Variants in RYR3 observed in about 807,000 individuals in gnomAD.
RYR3 encodes the protein ryanodine receptor 3.
A neutral mutation model predicts 584.3 loss-of-function variants in RYR3; 207 were observed. The ratio of observed to expected loss-of-function variants is 0.35; its 90% confidence interval spans 0.32 to 0.40. The LOEUF (loss-of-function observed/expected upper bound fraction) is 0.40, where lower values mean the gene tolerates loss of function less well. RYR3 is among the 10% of genes least tolerant of loss of function. RYR3 has a pLI of 1.00. For synonymous variants in RYR3, 2,416 were observed against 2,248.5 expected, an observed-to-expected ratio of 1.07 and a Z score of -2.11; for missense variants, 5,616 against 6,089.2, an observed-to-expected ratio of 0.92 and a Z score of 2.59.
chr15:33,434,942 C>G (rs187187564), intron 1 of RYR3, among the ~76,000 whole-genome samples: 1,592 of 152,200 alleles, frequency 0.01, 23 homozygotes, highest in African/African-American at 0.036. Flanking sequence ...CTCAGCCTCC[C>G]GAGTAGCTGG....
At chr15:33,367,752 C>G (rs1363492796) in intron 1 of RYR3, among the ~76,000 whole-genome samples, 3 of 152,144 alleles carry the variant, frequency 2.0e-5, no homozygotes, top group African/African-American at 4.8e-5. Flanking sequence ...TCGCATATCC[C>G]TGAAACTAAT....
chr15:33,316,840 C>T (rs1567013807), intron 1 of RYR3, among the ~76,000 whole-genome samples: 1 of 152,258 alleles, frequency 6.6e-6, no homozygotes, highest in Non-Finnish European at 1.5e-5. Flanking sequence ...TTGCCGCCAT[C>T]TCTAACATGG....
At chr15:33,652,521 A>T (rs1182727641) in intron 31 of RYR3, among the ~76,000 whole-genome samples, 197 bp from the exon 32 acceptor site, 1 of 152,074 alleles carries the variant, frequency 6.6e-6, no homozygotes, top group Non-Finnish European at 1.5e-5. Flanking sequence ...CCACATCCTT[A>T]CTCTGAGTGG....
intron 1 of RYR3, among the ~76,000 whole-genome samples, chr15:33,342,933 G>T (rs1252664747): frequency 6.6e-6 from 1 of 152,198 alleles, no homozygotes; most frequent in Non-Finnish European, 1.5e-5. Flanking sequence ...TACCATGGGG[G>T]TCTACAGGGC....
intron 103 of RYR3, chr15:33,864,883 G>C (rs1345132533): frequency 6.6e-6 from 3 of 457,642 alleles, no homozygotes; most frequent in Non-Finnish European, 1.2e-5. Flanking sequence ...ACATTGATTG[G>C]TTTCAGTTTT....
chr15:33,667,597 G>A (rs377270549), intron 36 of RYR3, among the ~76,000 whole-genome samples: 8 of 151,852 alleles, frequency 5.3e-5, no homozygotes, highest in South Asian at 4.2e-4. Flanking sequence ...AAGTACATAC[G>A]TTACTACATC....
intron 1 of RYR3, among the ~76,000 whole-genome samples, chr15:33,438,975 C>T (rs897764870): frequency 5.3e-5 from 8 of 151,848 alleles, no homozygotes; most frequent in African/African-American, 1.9e-4. Flanking sequence ...GAGAATGGGC[C>T]GATGCTGATA....
intron 57 of RYR3, 139 bp from the exon 58 acceptor site, chr15:33,754,926 T>A: frequency 1.6e-6 from 1 of 615,028 alleles, no homozygotes; most frequent in South Asian, 2.1e-5. Flanking sequence ...GGGAAATCAG[T>A]CAAATGATGA....
At chr15:33,395,722 G>A (rs2042257603) in intron 1 of RYR3, among the ~76,000 whole-genome samples, 2 of 152,178 alleles carry the variant, frequency 1.3e-5, no homozygotes, top group South Asian at 4.1e-4. Flanking sequence ...GGTTCACTCT[G>A]GGGCTTCTCC....
chr15:33,485,891 G>A (rs2050376873), intron 2 of RYR3, among the ~76,000 whole-genome samples: 1 of 152,160 alleles, frequency 6.6e-6, no homozygotes, highest in African/African-American at 2.4e-5. Flanking sequence ...AATTTAAGTT[G>A]AATGAGGAAA....
chr15:33,655,050 A>G (rs1282282137), intron 32 of RYR3, among the ~76,000 whole-genome samples: 1 of 152,200 alleles, frequency 6.6e-6, no homozygotes, highest in Non-Finnish European at 1.5e-5. Context: ...TTGTCTCTCC[A>G]GCACCTCCTG....
At position 33,838,166 on chromosome 15, in the gene RYR3, G is replaced by A. The variant is rs1180749988; in HGVS notation, c.12186G>A (p.Lys4062=). ...SRTQWEKPQV[K]ESKRQFIFDV... ...CTCAGTGGGAGAAGCCCCAGGTGAAGGAATCTAAGCGACAGTTCATTTTTG... is the reference window on the plus strand; with the variant it reads ...CTCAGTGGGAGAAGCCCCAGGTGAAAGAATCTAAGCGACAGTTCATTTTTG... Residue 4062 remains lysine (K), a synonymous_variant, in exon 89 of 104, where the codon AAG becomes AAA. Coordinates refer to ENST00000634891, the MANE Select transcript of RYR3 (RefSeq NM_001036.6). The A allele has an allele frequency of 6.2e-7, 1 of 1,614,014 alleles. No homozygotes were observed. The highest frequency in any genetic ancestry group is 2.2e-5 in the East Asian group (1 of 44,888).
In RYR3 at chr15:33,722,809, C is replaced by T. The variant is rs377229802; in HGVS notation, c.6714C>T (p.Asn2238=). The change falls in exon 44 of 104, where the codon AAC becomes AAT. Residue 2238 remains asparagine, a synonymous_variant. Coordinates refer to ENST00000634891, the MANE Select transcript of RYR3 (RefSeq NM_001036.6). ...CGGCCCTGCGGGGTGAGGGGGGAAACGGGCTCTTGGCAGCCATGCAGGGTG... is the reference window on the plus strand; with the variant it reads ...CGGCCCTGCGGGGTGAGGGGGGAAATGGGCTCTTGGCAGCCATGCAGGGTG... The part of the protein sequence containing the change: ...FGPALRGEGG[N]GLLAAMQGAI... 60 of 1,613,086 alleles carry T rather than the reference C, an allele frequency of 3.7e-5. No individual in the cohort carries two copies. Among genetic ancestry groups the T allele is most frequent in the South Asian group, 3.3e-4 (30 of 90,850 alleles).
At chr15:33,532,176 G>A (rs1191329492) in intron 4 of RYR3, among the ~76,000 whole-genome samples, 1 of 152,158 alleles carries the variant, frequency 6.6e-6, no homozygotes, top group Non-Finnish European at 1.5e-5. Context: ...CATCCCAAGA[G>A]CTTACCTGCC....
chr15:33,364,483 A>G (rs1222096753), intron 1 of RYR3, among the ~76,000 whole-genome samples: 2 of 152,362 alleles, frequency 1.3e-5, no homozygotes, highest in African/African-American at 2.4e-5. Context: ...TATCCAGATC[A>G]TGGTATTTGC....
At chr15:33,445,661 AC>A (rs2046578401) in intron 1 of RYR3, among the ~76,000 whole-genome samples, 1 of 124,376 alleles carries the variant, frequency 8.0e-6, no homozygotes, top group African/African-American at 3.2e-5. Context: ...CCTTTCCCCC[AC>A]CAACACACAC....
chr15:33,653,198 T>A (rs12101933), intron 32 of RYR3, among the ~76,000 whole-genome samples: 1 of 152,112 alleles, frequency 6.6e-6, no homozygotes, highest in African/African-American at 2.4e-5. Flanking sequence ...TTGTGCAGCC[T>A]TATCTATTAC....
intron 18 of RYR3, among the ~76,000 whole-genome samples, chr15:33,611,974 T>C (rs2060216842): frequency 2.0e-5 from 3 of 152,210 alleles, no homozygotes; most frequent in African/African-American, 7.2e-5. Flanking sequence ...CTTTCCTGTA[T>C]AAATGGTGAC....
At chr15:33,572,917 T>G (rs2058109073) in intron 12 of RYR3, among the ~76,000 whole-genome samples, 1 of 152,152 alleles carries the variant, frequency 6.6e-6, no homozygotes, top group African/African-American at 2.4e-5. Context: ...GAGGTTGCAG[T>G]GAGCCAAGAT....
Sources: allele counts gnomAD v4.1 joint callset (sites outside exome capture counted in the v4.1 genomes callset), GRCh38; gene constraint gnomAD v4.1.1; transcripts MANE v1.5; gene names NCBI Gene and HGNC (gene_info 2026-07-23, HGNC 2026-07-21).